Variants in NAA35 observed in about 807,000 individuals in gnomAD.
NAA35 encodes N-alpha-acetyltransferase 35, NatC auxiliary subunit, also known as MAK10 homolog, amino-acid N-acetyltransferase subunit.
A neutral mutation model predicts 101.7 loss-of-function variants in NAA35; 18 were observed. That is an observed-to-expected ratio of 0.18 (90% CI 0.12 to 0.26). NAA35 has a LOEUF of 0.26. Among genes scored for constraint, NAA35 ranks in the 10% least tolerant of loss-of-function variants. The pLI, the probability that NAA35 is intolerant of heterozygous loss-of-function variation, is 1.00. For synonymous variants in NAA35, 267 were observed against 273.1 expected (o/e 0.98, Z 0.22); for missense variants, 601 against 886.8 (o/e 0.68, Z 4.09).
intron 11 of NAA35, among the ~76,000 whole-genome samples, chr9:85,981,797 T>C (rs1395592632): frequency 6.6e-6 from 1 of 152,204 alleles, no homozygotes; most frequent in Non-Finnish European, 1.5e-5. Flanking sequence ...GATTCTATAA[T>C]TAAAAAGTTA....
chr9:86,022,546 A>G lies in NAA35; in HGVS notation c.*586A>G, dbSNP rs1255667423. Among the ~76,000 whole-genome samples, 1 of 152,218 alleles carries G rather than the reference A, an allele frequency of 6.6e-6. No homozygotes were observed. Among genetic ancestry groups the G allele is most frequent in the African/African-American group, 2.4e-5 (1 of 41,460 alleles). ...ACATCACAAATTATATATCTGTAAG[A>G]ATACAGATGTGTAAAAAAAATCCTT... On this transcript the variant is annotated 3_prime_UTR_variant, in exon 23 of 23. Transcript: ENST00000361671.
intron 15 of NAA35, 129 bp downstream of exon 15, chr9:86,010,060 G>A: frequency 1.5e-6 from 1 of 683,276 alleles, no homozygotes. Context: ...AGACCAGCCT[G>A]GCCAACATAG....
chr9:85,985,305 C>T (rs1422557359), intron 11 of NAA35, among the ~76,000 whole-genome samples: 1 of 152,150 alleles, frequency 6.6e-6, no homozygotes, highest in Non-Finnish European at 1.5e-5. Context: ...AAGTTATACA[C>T]TAATGCTCAT....
At chr9:86,009,537 T>G (rs1240015318) in intron 14 of NAA35, among the ~76,000 whole-genome samples, 2 of 152,152 alleles carry the variant, frequency 1.3e-5, no homozygotes, top group Non-Finnish European at 2.9e-5. Context: ...GGAAATCAAT[T>G]GTAGGGAAAT....
In NAA35 at chr9:86,012,311, G is replaced by A. The variant is rs183141854; in HGVS notation, c.1291-735G>A. 7.2e-4 allele frequency among the ~76,000 whole-genome samples: 109 copies of A among 151,706 alleles called. 1 individual carries two copies. The highest frequency in any genetic ancestry group is 6.6e-4 in the Admixed American group (10 of 15,188). On this transcript the variant is annotated intron_variant, in intron 15 of 22. Transcript: ENST00000361671. ...TTTTTGTATTTTTATTAGTGACGGG[G>A]TTTCACCACCAACAGTCACAACTGT... is the stretch of plus-strand genomic sequence containing the variant.
At chr9:85,958,675 A>G (rs1312136772) in intron 4 of NAA35, 89 bp downstream of exon 4, 2 of 784,136 alleles carry the variant, frequency 2.6e-6, no homozygotes, top group African/African-American at 1.8e-5. Flanking sequence ...GAAACGTTGT[A>G]TTAAAGTCTG....
intron 2 of NAA35, among the ~76,000 whole-genome samples, chr9:85,943,821 T>G (rs911005415): frequency 6.6e-6 from 1 of 152,152 alleles, no homozygotes; most frequent in Non-Finnish European, 1.5e-5. Context: ...TAAGGAGAGA[T>G]CAAGTTTTTG....
chr9:85,996,293 T>A, intron 11 of NAA35, 106 bp from the exon 12 acceptor site: 2 of 685,470 alleles, frequency 2.9e-6, no homozygotes, highest in Non-Finnish European at 2.4e-6. Flanking sequence ...TGGTTAGAAT[T>A]TGTTTGGAAA....
Position 86,021,899 on chromosome 9 carries a change from A to G in NAA35, c.2119-2A>G. On this transcript the variant is annotated splice_acceptor_variant, in intron 22 of 22. Transcript: ENST00000361671. LOFTEE classifies it high-confidence loss of function. ...TAATTGAGTTTCGTTTTTCTTTAAC[A>G]GGTTCCTCCTGAATTTGATTTCTCT... The G allele has an allele frequency of 6.2e-7, 1 of 1,611,692 alleles. No homozygotes were observed. The highest frequency in any genetic ancestry group is 8.5e-7 in the Non-Finnish European group (1 of 1,178,350).
chr9:85,992,234 T>C (rs1429097464), intron 11 of NAA35, among the ~76,000 whole-genome samples: 1 of 151,324 alleles, frequency 6.6e-6, no homozygotes, highest in Non-Finnish European at 1.5e-5. Context: ...CAGTTGGATA[T>C]AGAAAAGAAC....
intron 1 of NAA35, chr9:85,941,931 C>T: frequency 8.1e-7 from 1 of 1,232,492 alleles, no homozygotes; most frequent in East Asian, 3.2e-5. Context: ...TGTTTATGGG[C>T]CCTGGTAGGT....
intron 6 of NAA35, among the ~76,000 whole-genome samples, chr9:85,973,274 G>A (rs539034615): frequency 6.6e-6 from 1 of 152,322 alleles, no homozygotes; most frequent in East Asian, 1.9e-4. Context: ...TGGACTTAGG[G>A]ATTTTGCTAT....
intron 19 of NAA35, 110 bp from the exon 20 acceptor site, chr9:86,018,145 G>GT: frequency 2.1e-6 from 2 of 932,136 alleles, no homozygotes. Context: ...CTTCAGAAGT[G>GT]TTTGCTTGAA....
chr9:86,019,224 C>T (rs544053485), intron 21 of NAA35, among the ~76,000 whole-genome samples: 26 of 152,116 alleles, frequency 1.7e-4, no homozygotes, highest in Admixed American at 7.2e-4. Flanking sequence ...TTTGGGAGGC[C>T]GAGGTGGGTG....
chr9:85,964,949 A>G (rs1829680047), intron 6 of NAA35, among the ~76,000 whole-genome samples: 2 of 152,346 alleles, frequency 1.3e-5, no homozygotes, highest in South Asian at 4.1e-4. Flanking sequence ...CCCTTAGATC[A>G]AATATCCATT....
rs201466841 is a variant in NAA35 at position 85,977,327 on chromosome 9, C to T, written c.679-36C>T. 2.1e-6 allele frequency: 3 copies of T among 1,412,166 alleles called. No homozygotes were observed. The East Asian group carries it at 6.8e-5, about 32-fold the overall frequency. 87.5% of individuals were successfully genotyped at this position (1,412,166 alleles called of 1,614,324 possible). A position where few individuals can be genotyped will look rare whatever the true frequency, so the allele number is the denominator to read the frequency against. On this transcript the variant is annotated intron_variant, in intron 9 of 22. Transcript: ENST00000361671. ...AATGAAATTCCTTTCACGGGCTTTG[C>T]ATCTTTTAACTTTTAGTCCTTTCTT...
intron 2 of NAA35, among the ~76,000 whole-genome samples, chr9:85,954,409 G>C (rs1196408758): frequency 1.3e-5 from 2 of 152,164 alleles, no homozygotes; most frequent in Admixed American, 6.5e-5. Flanking sequence ...AGGAACTGCT[G>C]TACTGTTTTC....
intron 3 of NAA35, 34 bp from the exon 4 acceptor site, chr9:85,958,438 A>T (rs200790345): frequency 1.4e-6 from 2 of 1,422,164 alleles, no homozygotes; most frequent in Non-Finnish European, 2.0e-6. Context: ...ACTGGCTCAA[A>T]AACAATTTGT....
chr9:86,006,484 A>G (rs1447210319), intron 13 of NAA35, among the ~76,000 whole-genome samples: 1 of 152,232 alleles, frequency 6.6e-6, no homozygotes, highest in Non-Finnish European at 1.5e-5. Flanking sequence ...AAAATGAAGC[A>G]TGATACACTT....
Sources: gnomAD v4.1 joint callset for allele counts (sites outside exome capture counted in the v4.1 genomes callset) on GRCh38, gnomAD v4.1.1 for gene constraint, MANE v1.5 for transcripts, NCBI Gene and HGNC (gene_info 2026-07-23, HGNC 2026-07-21) for gene names.